The following KCNG2 variants were observed in gnomAD, a reference collection of about 807,000 sequenced individuals.
The protein encoded by KCNG2 is voltage-gated potassium channel regulatory subunit KCNG2.
KCNG2 carries 7 observed loss-of-function variants against 12.3 expected under a neutral mutation model. The observed-to-expected ratio is 0.57, with a 90% confidence interval of 0.32 to 1.07. The LOEUF (loss-of-function observed/expected upper bound fraction) is 1.07, where lower values mean the gene tolerates loss of function less well. KCNG2 is among the 50% of genes least tolerant of loss of function. The probability of loss-of-function intolerance (pLI) is 0.04; values close to 1 mark genes in which losing one functional copy is unlikely to be tolerated. For missense variants in KCNG2, 703 were observed against 726.0 expected (o/e 0.97, Z 0.36); for synonymous variants, 414 against 351.4 (o/e 1.18, Z -1.99).
At chr18:79,865,978 CGAGGTCTGGGTGCT>C (rs1331739339) in intron 3 of KCNG2, among the ~76,000 whole-genome samples, 5 of 37,604 alleles carry the variant, frequency 1.3e-4, no homozygotes, top group Admixed American at 1.1e-3. Context: ...GACTGTGTGC[CGAGGTCTGGGTGCT>C]GAGGTCTGGG....
chr18:79,828,399 C>T (rs1381929944), intron 1 of KCNG2, among the ~76,000 whole-genome samples: 1 of 150,944 alleles, frequency 6.6e-6, no homozygotes, highest in East Asian at 2.0e-4. Context: ...CATGTGTCTG[C>T]ATGTATCAGT....
rs575609078 is a variant in KCNG2 at position 79,830,861 on chromosome 18, G to A, written c.-114-25518G>A. On this transcript the variant is annotated intron_variant, in intron 1 of 3. Transcript: ENST00000316249. ...AGCGTTCTCTGCGGACAGAGCCTTCGTCAGGAGGGTTCCCTGCATACAGAG... is the reference window on the plus strand; with the variant it reads ...AGCGTTCTCTGCGGACAGAGCCTTCATCAGGAGGGTTCCCTGCATACAGAG... Among the ~76,000 whole-genome samples the A allele has an allele frequency of 1.4e-3, 189 of 134,036 alleles. 7 individuals carry two copies. Among genetic ancestry groups the A allele is most frequent in the African/African-American group, 5.1e-3 (178 of 34,800 alleles). The allele number at this position is 134,036 out of a possible 152,430, so 87.9% of individuals were successfully genotyped here. A position where few individuals can be genotyped will look rare whatever the true frequency, so the allele number is the denominator to read the frequency against.
chr18:79,877,640 C>T (rs1980128046), intron 3 of KCNG2, among the ~76,000 whole-genome samples: 1 of 152,014 alleles, frequency 6.6e-6, no homozygotes, highest in South Asian at 2.1e-4. Flanking sequence ...GCCGCAGAAT[C>T]TTCTGTGCTC....
intron 1 of KCNG2, among the ~76,000 whole-genome samples, chr18:79,847,982 A>T (rs559102770): frequency 1.1e-3 from 165 of 152,342 alleles, no homozygotes; most frequent in African/African-American, 3.8e-3. Flanking sequence ...TTTCCTTGGG[A>T]CTGAAGGAGT....
rs187152620 is a variant in KCNG2 at position 79,844,335 on chromosome 18, G to A, written c.-114-12044G>A. ...AAAACAGTAATGTGTGATCTCACTC[G>A]TATGTGGAATCTAAGAAAGTTGAAC... On this transcript the variant is annotated intron_variant, in intron 1 of 3. Coordinates refer to ENST00000316249, the MANE Select transcript of KCNG2 (RefSeq NM_012283.2). 9.0e-4 allele frequency among the ~76,000 whole-genome samples: 137 copies of A among 152,192 alleles called. 2 individuals are homozygous for A. The East Asian group carries it at 0.017, about 19-fold the overall frequency.
At chr18:79,825,333 A>C (rs1390618634) in intron 1 of KCNG2, among the ~76,000 whole-genome samples, 1 of 152,246 alleles carries the variant, frequency 6.6e-6, no homozygotes, top group African/African-American at 2.4e-5. Flanking sequence ...AAAGGAAGAC[A>C]CTTGAAGAAT....
chr18:79,866,486 G>C lies in KCNG2; in HGVS notation c.624+2195G>C, dbSNP rs1294392383. ...TGCTGAGGTCTGGGTGCTGAGGTCT[G>C]TGTGCTGAGAGGTCTGGGTGCTGAG... On this transcript the variant is annotated intron_variant, in intron 3 of 3. Coordinates refer to ENST00000316249, the MANE Select transcript of KCNG2 (RefSeq NM_012283.2). 1.5e-3 allele frequency among the ~76,000 whole-genome samples: 181 copies of C among 121,276 alleles called. 32 individuals are homozygous for C. Among genetic ancestry groups the C allele is most frequent in the South Asian group, 1.8e-3 (6 of 3,324 alleles). 79.6% of individuals were successfully genotyped at this position (121,276 alleles called of 152,430 possible).
intron 1 of KCNG2, among the ~76,000 whole-genome samples, chr18:79,829,251 C>T (rs148094779): frequency 6.8e-4 from 93 of 136,214 alleles, no homozygotes; most frequent in African/African-American, 2.6e-3. Flanking sequence ...AATGTGTCTG[C>T]GTGTGTGTCT....
At chr18:79,865,544 TGG>T (rs200422157) in intron 3 of KCNG2, among the ~76,000 whole-genome samples, 1 of 134,740 alleles carries the variant, frequency 7.4e-6, no homozygotes, top group Non-Finnish European at 1.6e-5. Context: ...CTGAGAGGTC[TGG>T]GTGCTGAGGT....
At chr18:79,892,103 A>C (rs1479641484) in intron 3 of KCNG2, among the ~76,000 whole-genome samples, 2 of 143,322 alleles carry the variant, frequency 1.4e-5, no homozygotes, top group Non-Finnish European at 3.1e-5. Flanking sequence ...TGACAGAGCA[A>C]GACTCCGTCT....
At chr18:79,839,399 A>G (rs1978393537) in intron 1 of KCNG2, among the ~76,000 whole-genome samples, 1 of 152,226 alleles carries the variant, frequency 6.6e-6, no homozygotes, top group African/African-American at 2.4e-5. Flanking sequence ...ATAACTGCAT[A>G]CCCTGTAGAC....
Position 79,854,382 on chromosome 18 carries a change from C to T in KCNG2, c.-114-1997C>T, listed in dbSNP as rs973962935. ...GCTCGGCATCAATTTCCCCTGGTTA[C>T]GTTTATTTTAAAAGTAAATGTTACA... is the stretch of plus-strand genomic sequence containing the variant. On this transcript the variant is annotated intron_variant, in intron 1 of 3. Transcript: ENST00000316249. 9.2e-5 allele frequency among the ~76,000 whole-genome samples: 14 copies of T among 152,328 alleles called. 1 individual carries two copies. Among genetic ancestry groups the T allele is most frequent in the African/African-American group, 2.6e-4 (11 of 41,574 alleles).
chr18:79,891,296 T>A (rs2123125658), intron 3 of KCNG2, among the ~76,000 whole-genome samples: 1 of 151,732 alleles, frequency 6.6e-6, no homozygotes, highest in Non-Finnish European at 1.5e-5. Context: ...AGTGGCACCA[T>A]CATGGCTTAC....
At chr18:79,860,672 T>TGTGTGTGCGC (rs1230353537) in intron 2 of KCNG2, among the ~76,000 whole-genome samples, 1 of 152,128 alleles carries the variant, frequency 6.6e-6, no homozygotes, top group Non-Finnish European at 1.5e-5. Flanking sequence ...GATGTGTGTG[T>TGTGTGTGCGC]GTGTGTGTGC....
chr18:79,872,257 G>T (rs1599415802), intron 3 of KCNG2, among the ~76,000 whole-genome samples: 3 of 126,834 alleles, frequency 2.4e-5, no homozygotes, highest in East Asian at 2.4e-4. Context: ...TAAAATCCCT[G>T]ATATAAAAGC....
At chr18:79,850,813 AAGAG>A (rs1263743316) in intron 1 of KCNG2, among the ~76,000 whole-genome samples, 58 of 152,238 alleles carry the variant, frequency 3.8e-4, no homozygotes. Context: ...GTATAAAACT[AAGAG>A]AGATCATGGC....
chr18:79,812,075 T>G (rs1215809308), intron 1 of KCNG2, among the ~76,000 whole-genome samples: 2 of 151,918 alleles, frequency 1.3e-5, no homozygotes, highest in African/African-American at 4.8e-5. Flanking sequence ...CCCCAAAACC[T>G]CCCAGATTTG....
intron 3 of KCNG2, among the ~76,000 whole-genome samples, chr18:79,890,373 G>A (rs562424249): frequency 2.6e-5 from 4 of 152,076 alleles, no homozygotes; most frequent in East Asian, 3.9e-4. Context: ...TCTGCTACCC[G>A]GACATATTGT....
At chr18:79,863,597 G>C (rs371395560) in intron 2 of KCNG2, 31 bp from the exon 3 acceptor site, 2 of 1,168,718 alleles carry the variant, frequency 1.7e-6, no homozygotes, top group Non-Finnish European at 2.1e-6. Context: ...CTCAGCCCTC[G>C]CGACCCTAAC....
Sources: allele counts gnomAD v4.1 joint callset (sites outside exome capture counted in the v4.1 genomes callset), GRCh38; gene constraint gnomAD v4.1.1; transcripts MANE v1.5; gene names NCBI Gene and HGNC (gene_info 2026-07-23, HGNC 2026-07-21).